The following CEP128 variants were observed in gnomAD, a reference collection of about 807,000 sequenced individuals.
CEP128 encodes centrosomal protein 128, also known as centrosomal protein 128kDa.
In CEP128, 132 loss-of-function variants were observed where a neutral mutation model predicts 156.7. The ratio of observed to expected loss-of-function variants is 0.84; its 90% CI spans 0.73 to 0.97. The LOEUF is 0.97. CEP128 is among the 50% of genes least tolerant of loss of function. The probability of loss-of-function intolerance (pLI) is 0.00; values close to 1 mark genes in which losing one functional copy is unlikely to be tolerated. For missense variants in CEP128, 1,252 were observed against 1,281.9 expected (o/e 0.98, Z 0.36); for synonymous variants, 469 against 448.9 (o/e 1.04, Z -0.57).
intron 13 of CEP128, 32 bp downstream of exon 13, chr14:80,831,111 T>G (rs758100646): frequency 6.9e-6 from 11 of 1,598,124 alleles, no homozygotes; most frequent in Non-Finnish European, 9.4e-6. Context: ...AATTAAAATA[T>G]TTCGAATATG....
At chr14:80,563,515 C>A (rs1019569924) in intron 20 of CEP128, among the ~76,000 whole-genome samples, 1 of 140,286 alleles carries the variant, frequency 7.1e-6, no homozygotes, top group Non-Finnish European at 1.5e-5. Flanking sequence ...TACCCATGGG[C>A]CTCCAAATCT....
chr14:80,897,088 A>G (rs568346257), intron 7 of CEP128, among the ~76,000 whole-genome samples: 2 of 152,368 alleles, frequency 1.3e-5, no homozygotes, highest in African/African-American at 4.8e-5. Context: ...GTATGTATGT[A>G]TAGAATGTTA....
At chr14:80,490,128 C>A (rs549675373), downstream of CEP128, among the ~76,000 whole-genome samples, 30 of 151,924 alleles carry the variant, frequency 2.0e-4, no homozygotes, top group African/African-American at 7.2e-4. Context: ...AAGGGGGGTA[C>A]CACTGTAAGA....
At chr14:80,845,488 G>A (rs1308363794) in intron 9 of CEP128, among the ~76,000 whole-genome samples, 1 of 152,120 alleles carries the variant, frequency 6.6e-6, no homozygotes, top group Non-Finnish European at 1.5e-5. Context: ...AGTTTTATTA[G>A]AAATCCAGAG....
At chr14:80,946,392 G>GCATCATGATGATGCCTC (rs1886345772), upstream of CEP128, among the ~76,000 whole-genome samples, 5 of 144,226 alleles carry the variant, frequency 3.5e-5, no homozygotes, top group African/African-American at 1.3e-4. Flanking sequence ...GCCTCATGAT[G>GCATCATGATGATGCCTC]ATTTCCCTTT....
At chr14:80,843,320 C>T (rs1322749589) in intron 9 of CEP128, among the ~76,000 whole-genome samples, 3 of 151,894 alleles carry the variant, frequency 2.0e-5, no homozygotes, top group South Asian at 2.1e-4. Flanking sequence ...ATGAAATTTC[C>T]GGAGAAAAAT....
At chr14:80,629,303 G>T (rs1043753083) in intron 19 of CEP128, among the ~76,000 whole-genome samples, 1 of 152,096 alleles carries the variant, frequency 6.6e-6, no homozygotes, top group African/African-American at 2.4e-5. Context: ...ATAAGAATTT[G>T]TATCTTGAAG....
At chr14:80,909,432 A>G (rs1333258923) in intron 4 of CEP128, among the ~76,000 whole-genome samples, 2 of 151,450 alleles carry the variant, frequency 1.3e-5, no homozygotes, top group Non-Finnish European at 2.9e-5. Context: ...AAAAGAAAAA[A>G]AGTTACCATG....
chr14:80,822,449 G>A (rs889527803), intron 13 of CEP128: 6 of 507,856 alleles, frequency 1.2e-5, no homozygotes, highest in Middle Eastern at 3.7e-4. Flanking sequence ...AAGAAGAGGC[G>A]AGAACGAACC....
intron 23 of CEP128, among the ~76,000 whole-genome samples, chr14:80,508,322 G>T (rs1346216192): frequency 6.6e-6 from 1 of 152,124 alleles, no homozygotes; most frequent in Non-Finnish European, 1.5e-5. Flanking sequence ...AAAAATTCAG[G>T]AGAAAAATTA....
chr14:80,704,952 G>A (rs568106539), intron 19 of CEP128, among the ~76,000 whole-genome samples: 23 of 151,984 alleles, frequency 1.5e-4, no homozygotes, highest in Middle Eastern at 3.4e-3. Flanking sequence ...TTTTTCACCT[G>A]TATCCAAAGC....
At chr14:80,611,533 A>G (rs555178418) in intron 19 of CEP128, among the ~76,000 whole-genome samples, 68 of 152,262 alleles carry the variant, frequency 4.5e-4, no homozygotes, top group Non-Finnish European at 8.2e-4. Flanking sequence ...TTTGAAAGTA[A>G]AAGAGATGAA....
intron 19 of CEP128, among the ~76,000 whole-genome samples, chr14:80,710,634 C>T (rs1307554223): frequency 6.6e-6 from 1 of 151,974 alleles, no homozygotes; most frequent in African/African-American, 2.4e-5. Flanking sequence ...TAAAGTTCTC[C>T]TAAAACATGA....
At chr14:80,940,988 A>G (rs1886120778) in intron 1 of CEP128, among the ~76,000 whole-genome samples, 2 of 152,250 alleles carry the variant, frequency 1.3e-5, no homozygotes, top group Non-Finnish European at 2.9e-5. Flanking sequence ...AGACGCCTAC[A>G]TAACAGATTG....
intron 14 of CEP128, among the ~76,000 whole-genome samples, chr14:80,790,709 TAAATC>T (rs1378409369): frequency 6.6e-6 from 1 of 152,084 alleles, no homozygotes; most frequent in Non-Finnish European, 1.5e-5. Context: ...AAAAAAGAAA[TAAATC>T]AGAGAAATTT....
intron 19 of CEP128, among the ~76,000 whole-genome samples, chr14:80,696,685 CTGATCTCAG>C (rs1412114574): frequency 1.3e-5 from 2 of 152,112 alleles, no homozygotes; most frequent in African/African-American, 4.8e-5. Context: ...GATATCATCA[CTGATCTCAG>C]TGAGAGTAGT....
intron 19 of CEP128, among the ~76,000 whole-genome samples, chr14:80,720,861 C>T (rs1470422353): frequency 1.3e-5 from 2 of 152,166 alleles, no homozygotes; most frequent in Non-Finnish European, 2.9e-5. Context: ...ATCTGAACTA[C>T]GAATTTAAGA....
At chr14:80,665,879 A>C (rs1895591495) in intron 19 of CEP128, among the ~76,000 whole-genome samples, 2 of 152,200 alleles carry the variant, frequency 1.3e-5, no homozygotes, top group African/African-American at 4.8e-5. Flanking sequence ...AGAAACCAGA[A>C]AGGATGCCAT....
At chr14:80,572,788 G>A (rs10151741) in intron 20 of CEP128, among the ~76,000 whole-genome samples, 86,013 of 151,798 alleles carry the variant, frequency 0.57, 24,651 homozygotes, top group East Asian at 0.72. Flanking sequence ...TGACAGTTGA[G>A]CCAAGGTATG....
Sources: gnomAD v4.1 joint callset for allele counts (sites outside exome capture counted in the v4.1 genomes callset) on GRCh38, gnomAD v4.1.1 for gene constraint, MANE v1.5 for transcripts, NCBI Gene and HGNC (gene_info 2026-07-23, HGNC 2026-07-21) for gene names.